The following SHISA9 variants were observed in gnomAD, a reference collection of about 807,000 sequenced individuals.
SHISA9 encodes protein shisa-9.
A neutral mutation model predicts 38.0 loss-of-function variants in SHISA9; 13 were observed. The observed-to-expected ratio is 0.34, with a 90% confidence interval of 0.22 to 0.54. The LOEUF is 0.54. Ranked by LOEUF, SHISA9 falls within the 20% of genes least tolerant of loss-of-function variation. The probability of loss-of-function intolerance (pLI) is 0.91; values close to 1 mark genes in which losing one functional copy is unlikely to be tolerated. For synonymous variants in SHISA9, 275 were observed against 242.0 expected (o/e 1.14, Z -1.27); for missense variants, 538 against 575.8 (o/e 0.93, Z 0.67).
the SHISA9 span, among the ~76,000 whole-genome samples, chr16:13,319,424 A>AG: frequency 1.3e-5 from 2 of 152,230 alleles, no homozygotes; most frequent in Non-Finnish European, 2.9e-5. Flanking sequence ...CAAATATATT[A>AG]GTCGTCAAAG....
chr16:13,045,761 A>G (rs56057762), intron 2 of SHISA9, among the ~76,000 whole-genome samples: 2 of 23,420 alleles, frequency 8.5e-5, no homozygotes, highest in Admixed American at 7.5e-4. Flanking sequence ...CCCTGCCCCC[A>G]CTGTGTCCCC....
intron 2 of SHISA9, among the ~76,000 whole-genome samples, chr16:13,188,329 T>G (rs1478185674): frequency 1.3e-5 from 2 of 152,332 alleles, no homozygotes; most frequent in Non-Finnish European, 2.9e-5. Flanking sequence ...CTTTTTCTCT[T>G]CCTTTCCTGG....
chr16:13,116,944 A>G (rs2074036239), intron 2 of SHISA9, among the ~76,000 whole-genome samples: 2 of 152,124 alleles, frequency 1.3e-5, no homozygotes, highest in South Asian at 4.1e-4. Flanking sequence ...TCCCAGTGGT[A>G]TTTTAGTTGT....
the SHISA9 span, among the ~76,000 whole-genome samples, chr16:13,320,483 G>A: frequency 1.3e-5 from 2 of 152,090 alleles, no homozygotes; most frequent in Non-Finnish European, 2.9e-5. Context: ...TGCTAGGGAA[G>A]CTTAAAGAAG....
At chr16:12,931,927 A>G (rs2071466788) in intron 2 of SHISA9, among the ~76,000 whole-genome samples, 1 of 152,164 alleles carries the variant, frequency 6.6e-6, no homozygotes, top group South Asian at 2.1e-4. Context: ...TAATTCCTAC[A>G]TGTCATGGGA....
intron 3 of SHISA9, among the ~76,000 whole-genome samples, chr16:13,204,136 A>ATCTG (rs2051037272): frequency 1.4e-5 from 1 of 71,744 alleles, no homozygotes; most frequent in Non-Finnish European, 3.2e-5. Context: ...ACTACCTATT[A>ATCTG]TCTATCTATC....
intron 2 of SHISA9, among the ~76,000 whole-genome samples, chr16:12,975,448 A>G (rs2072145218): frequency 6.6e-6 from 1 of 152,096 alleles, no homozygotes; most frequent in Non-Finnish European, 1.5e-5. Flanking sequence ...GGTTGCAGTG[A>G]GCTGAGATTG....
At chr16:13,295,133 C>G in the SHISA9 span, among the ~76,000 whole-genome samples, 2 of 152,148 alleles carry the variant, frequency 1.3e-5, no homozygotes, top group African/African-American at 2.4e-5. Context: ...AATTGTGACA[C>G]TACATCACCA....
the SHISA9 span, among the ~76,000 whole-genome samples, chr16:13,385,639 T>G: frequency 6.7e-4 from 54 of 80,550 alleles, no homozygotes; most frequent in Admixed American, 1.6e-3. Context: ...CTGTGGTATA[T>G]CCATACCATG....
At chr16:13,405,835 TG>T in the SHISA9 span, among the ~76,000 whole-genome samples, 1 of 152,192 alleles carries the variant, frequency 6.6e-6, no homozygotes, top group Admixed American at 6.5e-5. Context: ...TAGTATTCTT[TG>T]GTGTATACAT....
chr16:13,397,307 C>G, the SHISA9 span, among the ~76,000 whole-genome samples: 3 of 152,172 alleles, frequency 2.0e-5, no homozygotes, highest in African/African-American at 4.8e-5. Context: ...GCTGAAACCC[C>G]TAGGGGGAGC....
intron 2 of SHISA9, among the ~76,000 whole-genome samples, chr16:13,173,567 C>A (rs1292573729): frequency 1.3e-5 from 2 of 152,120 alleles, no homozygotes; most frequent in African/African-American, 4.8e-5. Context: ...TTGCTCCCCA[C>A]CCCTATTTGG....
intron 4 of SHISA9, among the ~76,000 whole-genome samples, chr16:13,226,000 C>T (rs1596749232): frequency 6.6e-6 from 1 of 152,142 alleles, no homozygotes; most frequent in South Asian, 2.1e-4. Context: ...GTCAGTTTGT[C>T]AGCCATCTGC....
At chr16:13,140,131 CT>C (rs2050387958) in intron 2 of SHISA9, among the ~76,000 whole-genome samples, 66 of 33,990 alleles carry the variant, frequency 1.9e-3, no homozygotes, top group South Asian at 3.2e-3. Context: ...CTTCCCTTCC[CT>C]TCCCTTCCCT....
chr16:12,958,726 A>C (rs2071868713), intron 2 of SHISA9, among the ~76,000 whole-genome samples: 1 of 152,172 alleles, frequency 6.6e-6, no homozygotes, highest in East Asian at 1.9e-4. Context: ...GAAGATATGA[A>C]TGTATCTTTA....
At chr16:13,145,388 G>A (rs1485356323) in intron 2 of SHISA9, among the ~76,000 whole-genome samples, 1 of 152,182 alleles carries the variant, frequency 6.6e-6, no homozygotes, top group African/African-American at 2.4e-5. Context: ...TTAGCCAGGT[G>A]TGGTGGTAGG....
At chr16:13,502,889 A>G in the SHISA9 span, among the ~76,000 whole-genome samples, 4 of 152,142 alleles carry the variant, frequency 2.6e-5, no homozygotes, top group Non-Finnish European at 4.4e-5. Flanking sequence ...AAAAATAAGT[A>G]AATAAAAAAT....
the SHISA9 span, among the ~76,000 whole-genome samples, chr16:13,257,107 G>A: frequency 3.1e-4 from 47 of 152,306 alleles, no homozygotes; most frequent in East Asian, 6.0e-3. Flanking sequence ...TAGGAGCAGA[G>A]ATGAGAGTAG....
chr16:13,355,714 G>A, the SHISA9 span, among the ~76,000 whole-genome samples: 4 of 152,154 alleles, frequency 2.6e-5, no homozygotes, highest in Admixed American at 2.0e-4. Flanking sequence ...TGTGGAGTGG[G>A]TAGCCTCCGT....
Sources: allele counts gnomAD v4.1 joint callset (sites outside exome capture counted in the v4.1 genomes callset), GRCh38; gene constraint gnomAD v4.1.1; transcripts MANE v1.5; gene names NCBI Gene and HGNC (gene_info 2026-07-23, HGNC 2026-07-21).